Variants in CHRNA3 observed in about 807,000 individuals in gnomAD.
CHRNA3 encodes the protein neuronal acetylcholine receptor subunit alpha-3.
A neutral mutation model predicts 41.9 loss-of-function variants in CHRNA3; 34 were observed. That is an observed-to-expected ratio of 0.81 (90% CI 0.62 to 1.08). The LOEUF (loss-of-function observed/expected upper bound fraction) is 1.08, where lower values mean the gene tolerates loss of function less well. CHRNA3 is among the 50% of genes least tolerant of loss of function. The pLI is 0.00. For synonymous variants in CHRNA3, 281 were observed against 265.2 expected, an observed-to-expected ratio of 1.06 and a Z score of -0.58; for missense variants, 542 against 638.3, an observed-to-expected ratio of 0.85 and a Z score of 1.63.
intron 4 of CHRNA3, among the ~76,000 whole-genome samples, chr15:78,614,643 A>T (rs1321299685): frequency 6.6e-6 from 1 of 152,216 alleles, no homozygotes; most frequent in Non-Finnish European, 1.5e-5. Context: ...AAAAACCTAG[A>T]AGTATTCTTA....
rs191373565 is a variant in CHRNA3 at position 78,601,093 on chromosome 15, G to A, written c.1389+160C>T. Among the ~76,000 whole-genome samples, 20 of 152,126 alleles carry A rather than the reference G, an allele frequency of 1.3e-4. No homozygotes were observed. In the East Asian group the frequency reaches 3.7e-3, roughly 28 times the overall value. ...CAGAAGAGAAAACAGGCTCAGAGAG[G>A]TGAGGTAACATACCCAAGGACATAT... On this transcript the variant is annotated intron_variant, in intron 5 of 5. Coordinates refer to ENST00000326828, the MANE Select transcript of CHRNA3 (RefSeq NM_000743.5).
chr15:78,620,419 C>A (rs1187548270), intron 1 of CHRNA3, among the ~76,000 whole-genome samples: 1 of 117,046 alleles, frequency 8.5e-6, no homozygotes, highest in Non-Finnish European at 2.1e-5. Context: ...CCAACTCCTG[C>A]GCCCAAGACG....
intron 4 of CHRNA3, among the ~76,000 whole-genome samples, chr15:78,608,144 A>G (rs2053326362): frequency 6.6e-6 from 1 of 152,248 alleles, no homozygotes; most frequent in South Asian, 2.1e-4. Flanking sequence ...CTCTGGGGGC[A>G]GGGCACAGAC....
intron 3 of CHRNA3, 43 bp downstream of exon 3, chr15:78,618,574 G>C (rs765690696): frequency 6.2e-7 from 1 of 1,612,064 alleles, no homozygotes; most frequent in South Asian, 1.1e-5. Flanking sequence ...AAATAAAACA[G>C]TCACCACCAG....
Position 78,601,403 on chromosome 15 carries a change from G to A in CHRNA3, c.1239C>T (p.Ser413=), listed in dbSNP as rs1340188605. Residue 413 remains serine (S), a synonymous_variant, in exon 5 of 6, where the codon TCC becomes TCT. Coordinates refer to ENST00000326828, the MANE Select transcript of CHRNA3 (RefSeq NM_000743.5). ...GYCHHRRIKI[S]NFSANLTRSS... ...TTCTCGTGAGGTTAGCACTGAAATT[G>A]GAGATTTTTATCCTGCGGTGGTGGC... 1 of 1,614,198 alleles carries A rather than the reference G, an allele frequency of 6.2e-7. No homozygotes were observed. Among genetic ancestry groups the A allele is most frequent in the South Asian group, 1.1e-5 (1 of 91,080 alleles).
At chr15:78,620,237 CCA>C (rs1393174639) in intron 1 of CHRNA3, 1 of 159,828 alleles carries the variant, frequency 6.3e-6, no homozygotes, top group Non-Finnish European at 1.4e-5. Context: ...AGCTCCAGCC[CCA>C]GTCCCGAAGC....
Position 78,615,365 on chromosome 15 carries a change from G to C in CHRNA3, c.377+1659C>G, listed in dbSNP as rs560105210. On this transcript the variant is annotated intron_variant, in intron 4 of 5. Transcript: ENST00000326828. ...GACACAGGCAGAGACAGGCTGGGGT[G>C]CCCAGCTCAGCCCCCTGATCACAGC... is the stretch of plus-strand genomic sequence containing the variant. Among the ~76,000 whole-genome samples, 4 of 152,322 alleles carry C rather than the reference G, an allele frequency of 2.6e-5. No individual in the cohort carries two copies. In the East Asian group the frequency reaches 7.7e-4, roughly 29 times the overall value.
At chr15:78,604,269 T>C (rs975334634) in intron 4 of CHRNA3, among the ~76,000 whole-genome samples, 4 of 152,246 alleles carry the variant, frequency 2.6e-5, no homozygotes, top group Non-Finnish European at 5.9e-5. Flanking sequence ...ATTTATTCTC[T>C]GGCCCTTTAG....
rs200734706 is a variant in CHRNA3 at position 78,596,237 on chromosome 15, T to G, written c.*367A>C. 155 of 989,318 alleles carry G rather than the reference T, an allele frequency of 1.6e-4. No homozygotes were observed. The highest frequency in any genetic ancestry group is 1.8e-4 in the Non-Finnish European group (151 of 832,582). The allele number at this position is 989,318 out of a possible 1,614,324, so 61.3% of individuals were successfully genotyped here. A position where few individuals can be genotyped will look rare whatever the true frequency, so the allele number is the denominator to read the frequency against. ...CTAAATAAGAAAAATTACTGGGAGA[T>G]CTGTAGTGATAACTGAATGACTTTT... On this transcript the variant is annotated 3_prime_UTR_variant, in exon 6 of 6. Transcript: ENST00000326828.
intron 5 of CHRNA3, among the ~76,000 whole-genome samples, chr15:78,599,358 A>G (rs371756801): frequency 3.4e-4 from 51 of 152,228 alleles, no homozygotes; most frequent in Non-Finnish European, 6.5e-4. Context: ...AAAGTGGTGA[A>G]CTAGCCCAAA....
rs74877920 is a variant in CHRNA3 at position 78,602,346 on chromosome 15, A to G, written c.378-82T>C. The G allele has an allele frequency of 2.3e-4, 321 of 1,422,608 alleles. 1 individual carries two copies. The African/African-American group carries it at 4.3e-3, about 19-fold the overall frequency. The allele number at this position is 1,422,608 out of a possible 1,614,324, so 88.1% of individuals were successfully genotyped here. ...GTGGTCATCTCAACCAGCTTCTCAC[A>G]GTAAGTAATGATTTGGAAGGCACTG... On this transcript the variant is annotated intron_variant, in intron 4 of 5. Coordinates refer to ENST00000326828, the MANE Select transcript of CHRNA3 (RefSeq NM_000743.5).
intron 4 of CHRNA3, 90 bp from the exon 5 acceptor site, chr15:78,602,354 A>G (rs2053219368): frequency 2.2e-6 from 3 of 1,375,440 alleles, no homozygotes; most frequent in Non-Finnish European, 3.0e-6. Context: ...ACAGTAAGTA[A>G]TGATTTGGAA....
chr15:78,598,487 C>A (rs73465003), intron 5 of CHRNA3, among the ~76,000 whole-genome samples: 1 of 151,718 alleles, frequency 6.6e-6, no homozygotes, highest in Non-Finnish European at 1.5e-5. Flanking sequence ...CTTGACCTCC[C>A]GGGCTCAAGT....
intron 4 of CHRNA3, among the ~76,000 whole-genome samples, chr15:78,605,157 T>A (rs1010656802): frequency 6.6e-6 from 1 of 152,086 alleles, no homozygotes; most frequent in Non-Finnish European, 1.5e-5. Flanking sequence ...GAGGTAGCAC[T>A]ATCATACAGG....
intron 4 of CHRNA3, among the ~76,000 whole-genome samples, chr15:78,607,902 C>T (rs1347693511): frequency 5.9e-5 from 9 of 152,152 alleles, no homozygotes; most frequent in East Asian, 1.9e-4. Flanking sequence ...GCTTAAAAAA[C>T]GGCACACCAG....
Position 78,620,733 on chromosome 15 carries a change from AG to A in CHRNA3, c.61del (p.Leu21CysfsTer33). 6.7e-7 allele frequency: 1 copy of A among 1,492,034 alleles called. No homozygotes were observed. Among genetic ancestry groups the A allele is most frequent in the Non-Finnish European group, 8.9e-7 (1 of 1,125,526 alleles). 92.4% of individuals were successfully genotyped at this position (1,492,034 alleles called of 1,614,324 possible). On this transcript the variant is annotated frameshift_variant, in exon 1 of 6. Transcript: ENST00000326828. LOFTEE classifies it high-confidence loss of function. ...ALSPPRLLLL[L>X]LLSLLPVARA... ...CGTACCTGGCAGCAGAGACAGCAGC[AG>A]CAGCAGCAGCAGCCGCGGCGGCGAC...
At chr15:78,616,561 G>A (rs903561581) in intron 4 of CHRNA3, among the ~76,000 whole-genome samples, 6 of 152,000 alleles carry the variant, frequency 3.9e-5, no homozygotes, top group African/African-American at 1.2e-4. Context: ...CAGGTGCCCC[G>A]GGCATCTGAG....
At chr15:78,599,481 G>C (rs1400404161) in intron 5 of CHRNA3, among the ~76,000 whole-genome samples, 1 of 151,642 alleles carries the variant, frequency 6.6e-6, no homozygotes, top group East Asian at 2.0e-4. Context: ...GGGAGAGCTA[G>C]GGAGATCTTT....
At chr15:78,616,289 G>T (rs902130800) in intron 4 of CHRNA3, among the ~76,000 whole-genome samples, 7 of 151,566 alleles carry the variant, frequency 4.6e-5, no homozygotes, top group Non-Finnish European at 1.0e-4. Flanking sequence ...GGAGGTGGAG[G>T]TTGCTGTGAG....
Sources: allele counts gnomAD v4.1 joint callset (sites outside exome capture counted in the v4.1 genomes callset), GRCh38; gene constraint gnomAD v4.1.1; transcripts MANE v1.5; gene names NCBI Gene and HGNC (gene_info 2026-07-23, HGNC 2026-07-21).